The following MROH2B variants were observed in gnomAD, a reference collection of about 807,000 sequenced individuals.
MROH2B encodes the protein maestro heat-like repeat-containing protein family member 2B.
Under a neutral mutation model 208.6 loss-of-function variants are expected in MROH2B, and 177 were observed. That is an observed-to-expected ratio of 0.85 (90% CI 0.75 to 0.96). The LOEUF is 0.96. MROH2B is among the 40% of genes least tolerant of loss of function. The pLI, the probability that MROH2B is intolerant of heterozygous loss-of-function variation, is 0.00. For missense variants in MROH2B, 2,002 were observed against 1,878.7 expected (o/e 1.07, Z -1.21); for synonymous variants, 728 against 659.0 (o/e 1.10, Z -1.60).
At chr5:41,019,471 A>C (rs138136483) in intron 24 of MROH2B, among the ~76,000 whole-genome samples, 1 of 152,370 alleles carries the variant, frequency 6.6e-6, no homozygotes, top group African/African-American at 2.4e-5. Flanking sequence ...AAATAGTGAC[A>C]CATATACTAT....
chr5:41,065,478 T>C lies in MROH2B; in HGVS notation c.214A>G (p.Ile72Val), dbSNP rs1579962686. The C allele has an allele frequency of 6.2e-7, 1 of 1,612,870 alleles. No individual in the cohort carries two copies. Among genetic ancestry groups the C allele is most frequent in the Non-Finnish European group, 8.5e-7 (1 of 1,179,406 alleles). The change falls in exon 4 of 42, where the codon ATC becomes GTC. Residue 72 changes from isoleucine to valine, a missense_variant. Transcript: ENST00000399564. The part of the protein sequence containing the change: ...DMRDNNMLRE[I>V]RMLAGEVLVS... Reference sequence around the variant, plus strand: ...AAAACCTCACCAGCTAGCATTCTGATTTCTCTGAGCATCTGAGGAGGAAAA... The same window carrying C: ...AAAACCTCACCAGCTAGCATTCTGACTTCTCTGAGCATCTGAGGAGGAAAA...
intron 30 of MROH2B, 34 bp downstream of exon 30, chr5:41,012,549 T>C: frequency 6.3e-7 from 1 of 1,593,102 alleles, no homozygotes; most frequent in Non-Finnish European, 8.5e-7. Context: ...GTGATAGAAA[T>C]CTGTTCAGTT....
intron 2 of MROH2B, among the ~76,000 whole-genome samples, chr5:41,067,934 C>G (rs1176558731): frequency 6.6e-6 from 1 of 152,188 alleles, no homozygotes; most frequent in Non-Finnish European, 1.5e-5. Flanking sequence ...CCCCAAGAGG[C>G]TGCTAGGCTA....
chr5:41,036,497 G>A (rs1005660718), intron 21 of MROH2B, among the ~76,000 whole-genome samples: 5 of 151,916 alleles, frequency 3.3e-5, no homozygotes, highest in Non-Finnish European at 5.9e-5. Flanking sequence ...GAAAATGGAC[G>A]AATACAGTAA....
chr5:41,026,476 C>T (rs1561286916), intron 24 of MROH2B, among the ~76,000 whole-genome samples: 1 of 152,162 alleles, frequency 6.6e-6, no homozygotes, highest in Non-Finnish European at 1.5e-5. Flanking sequence ...ATCCAACTTA[C>T]TAGGGATGTG....
intron 2 of MROH2B, among the ~76,000 whole-genome samples, chr5:41,068,436 C>T (rs1343639760): frequency 1.3e-5 from 2 of 152,090 alleles, no homozygotes; most frequent in African/African-American, 4.8e-5. Flanking sequence ...TTTATTAACG[C>T]TCACAAGTCC....
chr5:41,047,715 C>A lies in MROH2B; in HGVS notation c.1728+6G>T. On this transcript the variant is annotated splice_donor_region_variant and intron_variant, in intron 17 of 41. Coordinates refer to ENST00000399564, the MANE Select transcript of MROH2B (RefSeq NM_173489.5). The stretch of plus-strand genomic sequence containing the variant: ...TATTAAAAATTATTCTAGAAGCCAG[C>A]CTTACCTGAAGCAGCATGGTTTCCC... 1.3e-6 allele frequency: 2 copies of A among 1,592,440 alleles called. No homozygotes were observed. Among genetic ancestry groups the A allele is most frequent in the East Asian group, 2.3e-5 (1 of 44,344 alleles).
At chr5:41,011,167 C>G (rs1741761931) in intron 30 of MROH2B, among the ~76,000 whole-genome samples, 1 of 152,170 alleles carries the variant, frequency 6.6e-6, no homozygotes, top group Non-Finnish European at 1.5e-5. Flanking sequence ...GACATGGACA[C>G]AGGCATATAT....
chr5:41,031,311 G>T (rs1579930877), intron 24 of MROH2B, among the ~76,000 whole-genome samples: 2 of 152,130 alleles, frequency 1.3e-5, no homozygotes, highest in Middle Eastern at 6.8e-3. Context: ...CAGATCTCAT[G>T]AGAACTCACT....
chr5:41,012,539 G>C, intron 30 of MROH2B, 44 bp downstream of exon 30: 1 of 1,580,416 alleles, frequency 6.3e-7, no homozygotes, highest in Non-Finnish European at 8.6e-7. Flanking sequence ...CATTTCAGAA[G>C]TGATAGAAAT....
intron 24 of MROH2B, among the ~76,000 whole-genome samples, chr5:41,025,340 T>C (rs567392554): frequency 2.8e-4 from 42 of 151,934 alleles, no homozygotes; most frequent in Middle Eastern, 3.4e-3. Context: ...CAATAAAAAA[T>C]GATAAAGGGG....
chr5:41,017,913 C>T lies in MROH2B; in HGVS notation c.2821G>A (p.Asp941Asn). Residue 941 changes from aspartate (D) to asparagine (N), a missense_variant, in exon 28 of 42, where the codon GAT (aspartate) becomes AAT (asparagine). Transcript: ENST00000399564. ...GCCTGACGGATGGTGGGCAGGGTAT[C>T]ACAGGAGTGAGGAGCCAGAAGTCCA... Reference protein sequence around the residue: ...LLGLLAPHSCDTLPTIRQAAA... With the variant: ...LLGLLAPHSCNTLPTIRQAAA... 6.3e-7 allele frequency: 1 copy of T among 1,586,602 alleles called. No individual in the cohort carries two copies. Among genetic ancestry groups the T allele is most frequent in the Non-Finnish European group, 8.6e-7 (1 of 1,165,604 alleles).
chr5:41,010,137 A>T, intron 30 of MROH2B, 58 bp from the exon 31 acceptor site: 1 of 1,550,994 alleles, frequency 6.4e-7, no homozygotes, highest in Non-Finnish European at 8.8e-7. Flanking sequence ...TATGTGAATG[A>T]CTCAGAACAG....
At chr5:41,025,470 C>A (rs143879506) in intron 24 of MROH2B, among the ~76,000 whole-genome samples, 2 of 152,052 alleles carry the variant, frequency 1.3e-5, no homozygotes, top group African/African-American at 4.8e-5. Flanking sequence ...ACACAACCTC[C>A]CAAGACAAAA....
chr5:41,005,424 C>CACCT (rs1281694378), intron 35 of MROH2B, 107 bp downstream of exon 35: 3 of 259,608 alleles, frequency 1.2e-5, no homozygotes, highest in East Asian at 7.1e-5. Flanking sequence ...CCCCCCCCCC[C>CACCT]CTTGAAGTCT....
At chr5:40,998,324 G>T (rs567469299) in intron 41 of MROH2B, among the ~76,000 whole-genome samples, 166 bp from the exon 42 acceptor site, 1 of 152,282 alleles carries the variant, frequency 6.6e-6, no homozygotes, top group South Asian at 2.1e-4. Flanking sequence ...GGAACTACAA[G>T]AAATGATTTT....
intron 24 of MROH2B, among the ~76,000 whole-genome samples, chr5:41,032,057 G>A (rs325827): frequency 6.6e-6 from 1 of 151,998 alleles, no homozygotes; most frequent in South Asian, 2.1e-4. Flanking sequence ...TGTCTTCACA[G>A]TAGAGCTATT....
Position 41,054,775 on chromosome 5 carries a change from T to C in MROH2B, c.1099A>G (p.Ser367Gly). The C allele has an allele frequency of 6.2e-7, 1 of 1,607,654 alleles. No individual in the cohort carries two copies. The highest frequency in any genetic ancestry group is 8.5e-7 in the Non-Finnish European group (1 of 1,176,250). Reference protein sequence around the residue: ...RTVKIVMGDLSTKVRNSVLLL... With the variant: ...RTVKIVMGDLGTKVRNSVLLL... ...TCTATTAATTCTCTTACTTTTGTAC[T>C]GAGATCACCCATGACGATTTTGACT... Residue 367 changes from serine to glycine, a missense_variant, in exon 11 of 42, where the codon AGT (serine) becomes GGT (glycine). Ser to Gly is a moderately conservative substitution (Grantham distance 56). Coordinates refer to ENST00000399564, the MANE Select transcript of MROH2B (RefSeq NM_173489.5).
intron 5 of MROH2B, among the ~76,000 whole-genome samples, chr5:41,063,598 C>T (rs549154272): frequency 6.6e-6 from 1 of 152,108 alleles, no homozygotes; most frequent in Non-Finnish European, 1.5e-5. Context: ...AATGGAAGAG[C>T]CTTTGTTTCT....
Sources: allele counts gnomAD v4.1 joint callset (sites outside exome capture counted in the v4.1 genomes callset), GRCh38; gene constraint gnomAD v4.1.1; transcripts MANE v1.5; gene names NCBI Gene and HGNC (gene_info 2026-07-23, HGNC 2026-07-21).